The following HLCS variants were observed in gnomAD, a reference collection of about 807,000 sequenced individuals.
HLCS encodes the protein holocarboxylase synthetase, also known as biotin--protein ligase.
HLCS carries 53 observed loss-of-function variants against 75.0 expected under a neutral mutation model. The ratio of observed to expected loss-of-function variants is 0.71; its 90% CI spans 0.57 to 0.89. HLCS has a LOEUF of 0.89. HLCS is among the 40% of genes least tolerant of loss of function. The pLI is 0.00. For synonymous variants in HLCS, 431 were observed against 428.6 expected (o/e 1.01, Z -0.07); for missense variants, 966 against 1,074.0 (o/e 0.90, Z 1.41).
intron 6 of HLCS, among the ~76,000 whole-genome samples, chr21:36,869,128 T>G (rs1273472312): frequency 7.4e-6 from 1 of 135,254 alleles, no homozygotes; most frequent in Non-Finnish European, 1.7e-5. Context: ...ATTTATTTAT[T>G]TATTTATTTA....
intron 1 of HLCS, among the ~76,000 whole-genome samples, chr21:36,987,779 T>A (rs2069254647): frequency 6.6e-6 from 1 of 152,184 alleles, no homozygotes; most frequent in Non-Finnish European, 1.5e-5. Context: ...TCTTCTCTCA[T>A]AGTGAGGATC....
chr21:36,928,295 C>T (rs1040006522), intron 5 of HLCS, among the ~76,000 whole-genome samples: 16 of 152,202 alleles, frequency 1.1e-4, no homozygotes, highest in African/African-American at 3.9e-4. Context: ...ATTAAGAGGC[C>T]GGGAGCGCCA....
At chr21:36,840,334 T>G (rs1460322204) in intron 6 of HLCS, among the ~76,000 whole-genome samples, 1 of 152,200 alleles carries the variant, frequency 6.6e-6, no homozygotes, top group Non-Finnish European at 1.5e-5. Flanking sequence ...CCTTTAGTGT[T>G]GAAGTACTGC....
chr21:36,782,251 T>TA lies in HLCS; in HGVS notation c.1893-14967dup, dbSNP rs1048521739. ...CTGAAGTACTCCTTCTGAGGAAGAC[T>TA]AAAAAAAAATTTCTGCCAATGATCC... On this transcript the variant is annotated intron_variant, in intron 6 of 10. Transcript: ENST00000674895. Among the ~76,000 whole-genome samples the TA allele has an allele frequency of 2.2e-4, 34 of 151,776 alleles. No individual in the cohort carries two copies. In the Middle Eastern group the frequency reaches 0.01, roughly 46 times the overall value.
chr21:36,772,755 C>T (rs1023876588), intron 6 of HLCS, among the ~76,000 whole-genome samples: 4 of 151,816 alleles, frequency 2.6e-5, no homozygotes, highest in East Asian at 1.9e-4. Flanking sequence ...GAGGCCAAGG[C>T]GGGCAGATCA....
At chr21:36,879,519 A>AT (rs2064122572) in intron 6 of HLCS, among the ~76,000 whole-genome samples, 1 of 152,146 alleles carries the variant, frequency 6.6e-6, no homozygotes, top group South Asian at 2.1e-4. Flanking sequence ...AAAAGATTAC[A>AT]TTTTTTTCAA....
chr21:36,970,754 A>G (rs987923951), upstream of HLCS, among the ~76,000 whole-genome samples: 1 of 152,070 alleles, frequency 6.6e-6, no homozygotes, highest in Non-Finnish European at 1.5e-5. Flanking sequence ...GCACTTTGGG[A>G]GGCCAAGATG....
chr21:36,799,558 T>C (rs913387318), intron 6 of HLCS, among the ~76,000 whole-genome samples: 3 of 152,118 alleles, frequency 2.0e-5, no homozygotes, highest in Non-Finnish European at 2.9e-5. Context: ...TTGGAAACCA[T>C]CAATTTAGAG....
chr21:36,870,375 T>C (rs1048589232), intron 6 of HLCS, among the ~76,000 whole-genome samples: 21 of 152,220 alleles, frequency 1.4e-4, no homozygotes, highest in African/African-American at 3.6e-4. Context: ...GTCACTCTCA[T>C]GATTATTAGC....
Position 36,901,631 on chromosome 21 carries a change from G to A in HLCS, c.1621-4500C>T, listed in dbSNP as rs907805298. Among the ~76,000 whole-genome samples the A allele has an allele frequency of 1.8e-4, 27 of 152,262 alleles. 1 individual carries two copies. Among genetic ancestry groups the A allele is most frequent in the Non-Finnish European group, 2.6e-4 (18 of 68,022 alleles). On this transcript the variant is annotated intron_variant, in intron 5 of 10. Coordinates refer to ENST00000674895, the MANE Select transcript of HLCS (RefSeq NM_001352514.2). ...CCGCTGGCACTCCATGGTGCCCCTC[G>A]GCTTGTACACACATCACCCCCATCT...
chr21:36,790,213 A>T (rs9977713), intron 6 of HLCS, among the ~76,000 whole-genome samples: 1 of 151,984 alleles, frequency 6.6e-6, no homozygotes, highest in African/African-American at 2.4e-5. Context: ...AGACCATCCT[A>T]GCCAACATGG....
At chr21:36,792,475 G>A (rs981621170) in intron 6 of HLCS, among the ~76,000 whole-genome samples, 2 of 149,214 alleles carry the variant, frequency 1.3e-5, no homozygotes, top group Admixed American at 1.3e-4. Context: ...GGAAGGGAGA[G>A]GGGGAGGGAA....
At chr21:36,986,250 C>T (rs1343850237) in intron 1 of HLCS, among the ~76,000 whole-genome samples, 1 of 152,194 alleles carries the variant, frequency 6.6e-6, no homozygotes, top group Non-Finnish European at 1.5e-5. Flanking sequence ...TGTGGCTCCT[C>T]AATCTTGGAC....
intron 5 of HLCS, among the ~76,000 whole-genome samples, chr21:36,900,467 G>A (rs1198334634): frequency 6.6e-6 from 1 of 152,214 alleles, no homozygotes; most frequent in Non-Finnish European, 1.5e-5. Context: ...GAAAGGCAGA[G>A]GGGGTGGTGA....
At chr21:36,790,600 C>T (rs972228646) in intron 6 of HLCS, among the ~76,000 whole-genome samples, 4 of 152,176 alleles carry the variant, frequency 2.6e-5, no homozygotes, top group Non-Finnish European at 5.9e-5. Context: ...GCTGCCTTTC[C>T]CATGATCTTA....
chr21:36,954,272 C>A (rs1203309837), intron 2 of HLCS, among the ~76,000 whole-genome samples: 1 of 151,324 alleles, frequency 6.6e-6, no homozygotes, highest in Admixed American at 6.6e-5. Context: ...CACTGCACTC[C>A]AGCCTGGCGA....
chr21:36,983,974 T>C (rs1716833446), intron 1 of HLCS, among the ~76,000 whole-genome samples: 1 of 152,156 alleles, frequency 6.6e-6, no homozygotes, highest in South Asian at 2.1e-4. Context: ...TAGCTGATAC[T>C]ATATGCACAA....
At chr21:36,761,908 G>A (rs2089861153) in intron 8 of HLCS, among the ~76,000 whole-genome samples, 1 of 152,210 alleles carries the variant, frequency 6.6e-6, no homozygotes, top group African/African-American at 2.4e-5. Flanking sequence ...CGTGGCAGCT[G>A]GTGCCTGGGC....
At chr21:36,817,842 C>T (rs1420634620) in intron 6 of HLCS, among the ~76,000 whole-genome samples, 5 of 152,194 alleles carry the variant, frequency 3.3e-5, no homozygotes, top group African/African-American at 1.2e-4. Flanking sequence ...ATTAGTCCAA[C>T]GATCCTACAC....
Sources: allele counts gnomAD v4.1 joint callset (sites outside exome capture counted in the v4.1 genomes callset), GRCh38; gene constraint gnomAD v4.1.1; transcripts MANE v1.5; gene names NCBI Gene and HGNC (gene_info 2026-07-23, HGNC 2026-07-21).